ARHGAP44: variants seen among roughly 807,000 people sequenced by gnomAD.
The protein encoded by ARHGAP44 is rho GTPase-activating protein 44.
Under a neutral mutation model 106.8 loss-of-function variants are expected in ARHGAP44, and 43 were observed. That is an observed-to-expected ratio of 0.40 (90% CI 0.32 to 0.52). ARHGAP44 has a LOEUF of 0.52. Ranked by LOEUF, ARHGAP44 falls within the 20% of genes least tolerant of loss-of-function variation. The pLI, the probability that ARHGAP44 is intolerant of heterozygous loss-of-function variation, is 0.48. For synonymous variants in ARHGAP44, 439 were observed against 410.3 expected, an observed-to-expected ratio of 1.07 and a Z score of -0.85; for missense variants, 866 against 1,050.5, an observed-to-expected ratio of 0.82 and a Z score of 2.43.
Position 12,915,945 on chromosome 17 carries a change from G to A in ARHGAP44, c.321G>A (p.Gln107=). Reference sequence around the variant, plus strand: ...GAGAGACGGAGGACAAGCTGGCTCAGGAGCTGATACATTTTGAGTTGCAAG... The same window carrying A: ...GAGAGACGGAGGACAAGCTGGCTCAAGAGCTGATACATTTTGAGTTGCAAG... ...LCGETEDKLA[Q]ELIHFELQVE... is the part of the protein sequence containing the mutation. The change falls in exon 5 of 21, where the codon CAG becomes CAA. Residue 107 remains glutamine (Q), a synonymous_variant. Transcript: ENST00000379672. 1.2e-6 allele frequency: 2 copies of A among 1,613,920 alleles called. No homozygotes were observed. The highest frequency in any genetic ancestry group is 8.5e-7 in the Non-Finnish European group (1 of 1,179,866).
At chr17:12,981,009 C>T (rs2039816149) in intron 19 of ARHGAP44, 1 of 152,170 alleles carries the variant, frequency 6.6e-6, no homozygotes, top group Non-Finnish European at 1.5e-5. Context: ...CTTTTCCAGC[C>T]CCCTTAGTTC....
At chr17:12,914,530 G>T (rs1449815052) in intron 4 of ARHGAP44, among the ~76,000 whole-genome samples, 5 of 151,966 alleles carry the variant, frequency 3.3e-5, no homozygotes, top group African/African-American at 1.2e-4. Flanking sequence ...AAAAAGCAAG[G>T]CTGCCTGTAG....
intron 1 of ARHGAP44, among the ~76,000 whole-genome samples, chr17:12,804,678 T>A (rs546373573): frequency 6.6e-6 from 1 of 152,364 alleles, no homozygotes; most frequent in African/African-American, 2.4e-5. Flanking sequence ...ATTCAACACT[T>A]TGACCTTTGA....
intron 20 of ARHGAP44, 34 bp downstream of exon 20, chr17:12,984,942 A>G (rs774243306): frequency 1.8e-5 from 29 of 1,569,280 alleles, no homozygotes; most frequent in Non-Finnish European, 2.3e-5. Flanking sequence ...ACTTTTTTTT[A>G]TGAACTTTAG....
chr17:12,829,443 C>G (rs1361610938), intron 1 of ARHGAP44, among the ~76,000 whole-genome samples: 1 of 152,064 alleles, frequency 6.6e-6, no homozygotes, highest in Non-Finnish European at 1.5e-5. Context: ...ACTCTTTTGA[C>G]CCTTGGCATG....
intron 1 of ARHGAP44, among the ~76,000 whole-genome samples, chr17:12,886,548 C>T (rs951218479): frequency 1.3e-5 from 2 of 151,866 alleles, no homozygotes; most frequent in Non-Finnish European, 2.9e-5. Context: ...TGGATTAACA[C>T]CTAAGTGTTT....
At position 12,980,176 on chromosome 17, in the gene ARHGAP44, G is replaced by GCCAGCCCCAGCC. The variant is rs557213565; in HGVS notation, c.1889_1900dup (p.Pro630_Ser633dup). 1.2e-6 allele frequency: 2 copies of GCCAGCCCCAGCC among 1,612,546 alleles called. No homozygotes were observed. The highest frequency in any genetic ancestry group is 1.1e-5 in the South Asian group (1 of 90,974). ...GGCTCAACCTGGAGCTCAGCCGGGC[G>GCCAGCCCCAGCC]CCAGCCCCAGCCCCAGCCAGCCGCC... is the stretch of plus-strand genomic sequence containing the variant. On this transcript the variant is annotated inframe_insertion, in exon 19 of 21. Transcript: ENST00000379672.
chr17:12,982,447 T>C (rs2039857582), intron 19 of ARHGAP44, among the ~76,000 whole-genome samples: 1 of 152,094 alleles, frequency 6.6e-6, no homozygotes, highest in Non-Finnish European at 1.5e-5. Context: ...CCCCAGCTCC[T>C]TCGTGAGAAG....
intron 1 of ARHGAP44, among the ~76,000 whole-genome samples, chr17:12,893,684 C>T (rs2037114333): frequency 1.3e-5 from 2 of 152,162 alleles, no homozygotes; most frequent in South Asian, 4.1e-4. Context: ...CTTTTGCTGG[C>T]TTGGGTGGAG....
chr17:12,951,597 A>G (rs2038993105), intron 12 of ARHGAP44, among the ~76,000 whole-genome samples: 1 of 152,208 alleles, frequency 6.6e-6, no homozygotes, highest in African/African-American at 2.4e-5. Context: ...TTCCCACTTC[A>G]TTTGCAAATG....
At chr17:12,954,976 AC>A in intron 13 of ARHGAP44, among the ~76,000 whole-genome samples, 1 of 151,858 alleles carries the variant, frequency 6.6e-6, no homozygotes, top group Non-Finnish European at 1.5e-5. Flanking sequence ...CATTTCCCTT[AC>A]CCCAAAAAAG....
At chr17:12,897,459 G>A (rs2037244802) in intron 3 of ARHGAP44, among the ~76,000 whole-genome samples, 1 of 146,126 alleles carries the variant, frequency 6.8e-6, no homozygotes, top group Admixed American at 6.8e-5. Flanking sequence ...TCCAAGCCCT[G>A]GTTTCTTCTT....
intron 19 of ARHGAP44, 119 bp downstream of exon 19, chr17:12,980,352 T>A (rs780048526): frequency 9.2e-7 from 1 of 1,090,116 alleles, no homozygotes; most frequent in Non-Finnish European, 1.3e-6. Flanking sequence ...AGTGACTAAT[T>A]CCCATCTGGA....
chr17:12,809,517 T>G (rs993119790), intron 1 of ARHGAP44, among the ~76,000 whole-genome samples: 3 of 152,156 alleles, frequency 2.0e-5, no homozygotes, highest in Admixed American at 2.0e-4. Flanking sequence ...TCTTCAGACC[T>G]CATGAAACTT....
intron 1 of ARHGAP44, among the ~76,000 whole-genome samples, chr17:12,852,309 A>G (rs1207696549): frequency 2.6e-5 from 3 of 114,014 alleles, no homozygotes; most frequent in Non-Finnish European, 5.6e-5. Context: ...CAGTTTGAGC[A>G]ATTTTTATGT....
intron 3 of ARHGAP44, among the ~76,000 whole-genome samples, chr17:12,900,959 T>C (rs1196672908): frequency 6.8e-6 from 1 of 146,452 alleles, no homozygotes; most frequent in Non-Finnish European, 1.5e-5. Context: ...GTTTCGCTCT[T>C]GTCACCCAGG....
At position 12,967,797 on chromosome 17, in the gene ARHGAP44, A is replaced by C. The variant is rs981738789; in HGVS notation, c.1524-5505A>C. Among the ~76,000 whole-genome samples the C allele has an allele frequency of 2.6e-5, 4 of 152,262 alleles. No individual in the cohort carries two copies. The South Asian group carries it at 8.3e-4, about 32-fold the overall frequency. On this transcript the variant is annotated intron_variant, in intron 16 of 20. Coordinates refer to ENST00000379672, the MANE Select transcript of ARHGAP44 (RefSeq NM_014859.6). Reference sequence around the variant, plus strand: ...CTACCAGGTTGCAGACTTTAAAAGAAGCATGCCATTTCATCTCCAGCATCA... The same window carrying C: ...CTACCAGGTTGCAGACTTTAAAAGACGCATGCCATTTCATCTCCAGCATCA...
chr17:12,930,878 T>C (rs1387093138), intron 7 of ARHGAP44, among the ~76,000 whole-genome samples: 2 of 152,168 alleles, frequency 1.3e-5, no homozygotes, highest in South Asian at 4.1e-4. Context: ...GGTAGAAACC[T>C]CCCCACCAAT....
At chr17:12,982,407 C>T (rs190228408) in intron 19 of ARHGAP44, among the ~76,000 whole-genome samples, 1 of 151,784 alleles carries the variant, frequency 6.6e-6, no homozygotes, top group East Asian at 1.9e-4. Flanking sequence ...TGGTAAATGT[C>T]ATCACAGACA....
Sources: allele counts gnomAD v4.1 joint callset (sites outside exome capture counted in the v4.1 genomes callset), GRCh38; gene constraint gnomAD v4.1.1; transcripts MANE v1.5; gene names NCBI Gene and HGNC (gene_info 2026-07-23, HGNC 2026-07-21).